The following TATDN2 variants were observed in gnomAD, a reference collection of about 807,000 sequenced individuals.
TATDN2 encodes the protein 3'-5' RNA nuclease TATDN2.
A neutral mutation model predicts 60.3 loss-of-function variants in TATDN2; 44 were observed. That is an observed-to-expected ratio of 0.73 (90% CI 0.57 to 0.94). The LOEUF (loss-of-function observed/expected upper bound fraction) is 0.94, where lower values mean the gene tolerates loss of function less well. TATDN2 is among the 40% of genes least tolerant of loss of function. The pLI is 0.00. For synonymous variants in TATDN2, 399 were observed against 355.8 expected (o/e 1.12, Z -1.37); for missense variants, 997 against 948.0 (o/e 1.05, Z -0.68).
At chr3:10,263,410 T>C (rs1698435261) in intron 3 of TATDN2, among the ~76,000 whole-genome samples, 1 of 152,186 alleles carries the variant, frequency 6.6e-6, no homozygotes, top group South Asian at 2.1e-4. Flanking sequence ...TCTTTCTCTC[T>C]CTAGCTTCTC....
At position 10,260,121 on chromosome 3, in the gene TATDN2, GT is replaced by G. The variant is rs199783527; in HGVS notation, c.415-6del. On this transcript the variant is annotated splice_polypyrimidine_tract_variant and intron_variant, in intron 2 of 7. Coordinates refer to ENST00000448281, the MANE Select transcript of TATDN2 (RefSeq NM_014760.4). ...CCCTTGGAACAGCCCTTTCAATTCT[GT>G]TTTTTTTTTCCCAGGTTGATTCCAA... 161 of 1,386,684 alleles carry G rather than the reference GT, an allele frequency of 1.2e-4. No homozygotes were observed. The highest frequency in any genetic ancestry group is 2.3e-4 in the East Asian group (9 of 38,498). 85.9% of individuals were successfully genotyped at this position (1,386,684 alleles called of 1,614,324 possible). A position where few individuals can be genotyped will look rare whatever the true frequency, so the allele number is the denominator to read the frequency against.
In TATDN2 at chr3:10,279,207, C is replaced by T. The variant is rs985305230; in HGVS notation, c.*39-14C>T. 1.6e-5 allele frequency: 13 copies of T among 827,550 alleles called. No individual in the cohort carries two copies. Among genetic ancestry groups the T allele is most frequent in the Non-Finnish European group, 2.4e-5 (13 of 550,536 alleles). The allele number at this position is 827,550 out of a possible 1,614,324, so 51.3% of individuals were successfully genotyped here. On this transcript the variant is annotated splice_polypyrimidine_tract_variant and intron_variant, in intron 7 of 7. Coordinates refer to ENST00000448281, the MANE Select transcript of TATDN2 (RefSeq NM_014760.4). ...TGGTTTGGAACCTTCTTCTTTTTCT[C>T]TTCCACCCTCCAGGGCGACCAGCAG...
chr3:10,253,050 G>C (rs1698255135), intron 2 of TATDN2, among the ~76,000 whole-genome samples: 1 of 151,916 alleles, frequency 6.6e-6, no homozygotes, highest in Non-Finnish European at 1.5e-5. Context: ...GTAGAGATGG[G>C]GTTTCACCAT....
chr3:10,268,149 G>A (rs1054667756), intron 3 of TATDN2, among the ~76,000 whole-genome samples: 3 of 152,224 alleles, frequency 2.0e-5, no homozygotes, highest in Admixed American at 1.3e-4. Flanking sequence ...CTACATTTAA[G>A]TTAGCTTGCA....
At chr3:10,252,968 T>C (rs1416648730) in intron 2 of TATDN2, among the ~76,000 whole-genome samples, 4 of 151,166 alleles carry the variant, frequency 2.6e-5, no homozygotes, top group Non-Finnish European at 5.9e-5. Context: ...GCCATTCTCC[T>C]TCCTCAGCCT....
chr3:10,260,647 G>C lies in TATDN2; in HGVS notation c.925G>C (p.Asp309His), dbSNP rs1415454538. The C allele has an allele frequency of 6.2e-7, 1 of 1,613,296 alleles. No individual in the cohort carries two copies. The highest frequency in any genetic ancestry group is 1.3e-5 in the African/African-American group (1 of 74,852). The change falls in exon 3 of 8, where the codon GAC (aspartate) becomes CAC (histidine). Residue 309 changes from aspartate (D) to histidine (H), a missense_variant. Physicochemically the swap from Asp to His is moderately conservative, Grantham distance 81 (BLOSUM62 -1). Transcript: ENST00000448281. Reference protein sequence around the residue: ...SPPLEFLDDSDSHLEIQKHKD... With the variant: ...SPPLEFLDDSHSHLEIQKHKD... ...ACCCCTAGAGTTCTTGGATGACTCT[G>C]ACTCTCATTTAGAAATCCAAAAGGT...
chr3:10,268,369 A>G (rs1376041848), intron 3 of TATDN2, among the ~76,000 whole-genome samples: 1 of 152,250 alleles, frequency 6.6e-6, no homozygotes, highest in African/African-American at 2.4e-5. Flanking sequence ...TAATTCAGCT[A>G]GAATGCTCTT....
chr3:10,258,255 T>A (rs1311017534), intron 2 of TATDN2, among the ~76,000 whole-genome samples: 1 of 151,754 alleles, frequency 6.6e-6, no homozygotes, highest in East Asian at 1.9e-4. Context: ...TACAAGAAGC[T>A]TATAATATAA....
intron 2 of TATDN2, among the ~76,000 whole-genome samples, chr3:10,257,428 C>T (rs2125173067): frequency 6.6e-6 from 1 of 150,698 alleles, no homozygotes; most frequent in East Asian, 2.0e-4. Flanking sequence ...GTCAGGAGTT[C>T]AAGACCAGCC....
chr3:10,255,099 C>A (rs1465137107), intron 2 of TATDN2, among the ~76,000 whole-genome samples: 1 of 148,464 alleles, frequency 6.7e-6, no homozygotes, highest in Non-Finnish European at 1.5e-5. Context: ...CATCCTTGAC[C>A]TCCTGGCTCA....
chr3:10,249,635 G>A, intron 2 of TATDN2, 21 bp downstream of exon 2: 1 of 1,502,086 alleles, frequency 6.7e-7, no homozygotes, highest in Non-Finnish European at 8.9e-7. Flanking sequence ...GCCACGCTTT[G>A]CAATCGGTGA....
chr3:10,260,720 ATG>A, intron 3 of TATDN2, 50 bp downstream of exon 3: 1 of 1,560,770 alleles, frequency 6.4e-7, no homozygotes, highest in Non-Finnish European at 8.7e-7. Flanking sequence ...TGTTGATGAA[ATG>A]TGTTCCATCT....
chr3:10,250,360 A>ACTT, intron 2 of TATDN2, among the ~76,000 whole-genome samples: 1 of 151,988 alleles, frequency 6.6e-6, no homozygotes, highest in Admixed American at 6.6e-5. Context: ...GCAATGTTCT[A>ACTT]GGTGTTTGGG....
At chr3:10,271,280 C>T (rs1290935775) in intron 4 of TATDN2, among the ~76,000 whole-genome samples, 1 of 152,128 alleles carries the variant, frequency 6.6e-6, no homozygotes, top group African/African-American at 2.4e-5. Flanking sequence ...CATTTGTTTT[C>T]TTTCTTTCTT....
Position 10,270,550 on chromosome 3 carries a change from AAGAG to A in TATDN2, c.1371_1374del (p.Glu458Ter). 1 of 1,614,198 alleles carries A rather than the reference AAGAG, an allele frequency of 6.2e-7. No homozygotes were observed. The highest frequency in any genetic ancestry group is 8.5e-7 in the Non-Finnish European group (1 of 1,180,032). ...TTCGCTTCTCCAGAAGCTCAGAAGA[AAGAG>A]AGGTGAAGGAGAAAAGAACATTCCA... On this transcript the variant is annotated frameshift_variant, in exon 4 of 8. Coordinates refer to ENST00000448281, the MANE Select transcript of TATDN2 (RefSeq NM_014760.4). LOFTEE classifies it high-confidence loss of function.
intron 2 of TATDN2, among the ~76,000 whole-genome samples, chr3:10,250,020 GTATT>G (rs1192863597): frequency 6.6e-6 from 1 of 152,134 alleles, no homozygotes; most frequent in African/African-American, 2.4e-5. Flanking sequence ...AGAGAAGAAT[GTATT>G]TATTTTAGTT....
Position 10,270,119 on chromosome 3 carries a change from T to C in TATDN2, c.949-12T>C, listed in dbSNP as rs1576013866. On this transcript the variant is annotated splice_polypyrimidine_tract_variant and intron_variant, in intron 3 of 7. Coordinates refer to ENST00000448281, the MANE Select transcript of TATDN2 (RefSeq NM_014760.4). ...AAGGCTAACCCACTGTTGTATGCCTTCTTTTCTGCAGCATAAAGATAGGGA... is the reference window on the plus strand; with the variant it reads ...AAGGCTAACCCACTGTTGTATGCCTCCTTTTCTGCAGCATAAAGATAGGGA... The C allele has an allele frequency of 6.2e-7, 1 of 1,602,188 alleles. No individual in the cohort carries two copies. The highest frequency in any genetic ancestry group is 1.1e-5 in the South Asian group (1 of 88,626).
chr3:10,262,235 A>G (rs2125175411), intron 3 of TATDN2, among the ~76,000 whole-genome samples: 1 of 152,248 alleles, frequency 6.6e-6, no homozygotes. Context: ...GCCAGCTGGC[A>G]GCTGTCTCTC....
chr3:10,263,270 T>C (rs1167897265), intron 3 of TATDN2, among the ~76,000 whole-genome samples: 1 of 152,080 alleles, frequency 6.6e-6, no homozygotes, highest in Non-Finnish European at 1.5e-5. Flanking sequence ...TGAAATTTCA[T>C]GGTGGTGGTG....
Sources: gnomAD v4.1 joint callset for allele counts (sites outside exome capture counted in the v4.1 genomes callset) on GRCh38, gnomAD v4.1.1 for gene constraint, MANE v1.5 for transcripts, NCBI Gene and HGNC (gene_info 2026-07-23, HGNC 2026-07-21) for gene names.